STK10: variants seen among roughly 807,000 people sequenced by gnomAD.
STK10 encodes the protein serine/threonine-protein kinase 10.
In STK10, 78 loss-of-function variants were observed where a neutral mutation model predicts 113.8. The observed-to-expected ratio is 0.69, with a 90% CI of 0.57 to 0.83. STK10 has a LOEUF of 0.83. Ranked by LOEUF, STK10 falls within the 40% of genes least tolerant of loss-of-function variation. The pLI, the probability that STK10 is intolerant of heterozygous loss-of-function variation, is 0.00. For synonymous variants in STK10, 465 were observed against 494.7 expected (o/e 0.94, Z 0.80); for missense variants, 1,109 against 1,280.1 (o/e 0.87, Z 2.04).
intron 2 of STK10, among the ~76,000 whole-genome samples, chr5:172,152,900 AT>A (rs1770267504): frequency 6.6e-6 from 1 of 152,256 alleles, no homozygotes. Context: ...AAATGATCAT[AT>A]TTTTATACAC....
intron 12 of STK10, among the ~76,000 whole-genome samples, chr5:172,080,873 A>G (rs1443543739): frequency 6.6e-6 from 1 of 152,238 alleles, no homozygotes; most frequent in Non-Finnish European, 1.5e-5. Context: ...TGGATTTTCA[A>G]TGTAGATGAA....
chr5:172,069,366 A>G (rs1446686513), intron 12 of STK10, among the ~76,000 whole-genome samples: 1 of 152,192 alleles, frequency 6.6e-6, no homozygotes, highest in African/African-American at 2.4e-5. Context: ...GCAAACACTT[A>G]TCAAAAGAAA....
At position 172,120,903 on chromosome 5, in the gene STK10, C is replaced by G. The variant is rs1261772304; in HGVS notation, c.371-3273G>C. 2.0e-5 allele frequency among the ~76,000 whole-genome samples: 3 copies of G among 152,092 alleles called. No individual in the cohort carries two copies. Among genetic ancestry groups the G allele is most frequent in the Non-Finnish European group, 4.4e-5 (3 of 68,030 alleles). ...TCTAATCACCACCATTTTTGGAGCCCTTATAATGTGTCAGGCATGAGGATA... is the reference window on the plus strand; with the variant it reads ...TCTAATCACCACCATTTTTGGAGCCGTTATAATGTGTCAGGCATGAGGATA... On this transcript the variant is annotated intron_variant, in intron 3 of 18. Transcript: ENST00000176763. This position sits in a 1 kb window ranked among gnomAD's most constrained non-coding sequence, Gnocchi z 4.0.
At chr5:172,161,789 T>C (rs747811543) in intron 1 of STK10, among the ~76,000 whole-genome samples, 9 of 152,070 alleles carry the variant, frequency 5.9e-5, no homozygotes, top group Admixed American at 1.3e-4. Context: ...CAGAGTACCC[T>C]AGGAATGAGG....
At chr5:172,070,146 G>A (rs545013889) in intron 12 of STK10, among the ~76,000 whole-genome samples, 2 of 152,010 alleles carry the variant, frequency 1.3e-5, no homozygotes, top group Non-Finnish European at 2.9e-5. Flanking sequence ...TACTTGGGGG[G>A]CTGAGGCAGG....
rs370631867 is a variant in STK10 at position 172,152,817 on chromosome 5, T to C, written c.321+3807A>G. ...TTAGATGTGTTAAAAGTGTAAAATA[T>C]ACACTGGACTTGAAGACTTAGAATG... On this transcript the variant is annotated intron_variant, in intron 2 of 18. Coordinates refer to ENST00000176763, the MANE Select transcript of STK10 (RefSeq NM_005990.4). Among the ~76,000 whole-genome samples the C allele has an allele frequency of 9.2e-5, 14 of 152,330 alleles. No homozygotes were observed. In the South Asian group the frequency reaches 2.9e-3, roughly 32 times the overall value.
At chr5:172,138,287 A>G (rs1769908669) in intron 2 of STK10, among the ~76,000 whole-genome samples, 1 of 151,976 alleles carries the variant, frequency 6.6e-6, no homozygotes, top group African/African-American at 2.4e-5. Flanking sequence ...ACGCCTGGCT[A>G]ATTTTTTTGT....
chr5:172,082,540 A>G lies in STK10; in HGVS notation c.1810-35T>C. ...GCAGAAATTCTGAGAAACTTAGCGA[A>G]GTCACTTTATACCTGGGAGGGACAT... On this transcript the variant is annotated intron_variant, in intron 11 of 18. Coordinates refer to ENST00000176763, the MANE Select transcript of STK10 (RefSeq NM_005990.4). This position sits in a 1 kb window ranked among gnomAD's most constrained non-coding sequence, Gnocchi z 4.3. 6.5e-7 allele frequency: 1 copy of G among 1,547,054 alleles called. No individual in the cohort carries two copies. Among genetic ancestry groups the G allele is most frequent in the Non-Finnish European group, 8.7e-7 (1 of 1,148,372 alleles).
At position 172,093,156 on chromosome 5, in the gene STK10, A is replaced by G. The variant is rs556878588; in HGVS notation, c.1554+256T>C. ...GAACTTCATTTGTAGCTAAGGCCTA[A>G]GAGTTCTCTCTCCCAAATTTTACCA... On this transcript the variant is annotated intron_variant, in intron 9 of 18. Coordinates refer to ENST00000176763, the MANE Select transcript of STK10 (RefSeq NM_005990.4). The surrounding 1 kb of genome is among the most constrained non-coding windows in gnomAD (Gnocchi z 4.1). 3.9e-5 allele frequency among the ~76,000 whole-genome samples: 6 copies of G among 152,320 alleles called. No homozygotes were observed. The highest frequency in any genetic ancestry group is 7.3e-5 in the Non-Finnish European group (5 of 68,034).
chr5:172,108,613 CAAAAAAA>C (rs1184891478), intron 4 of STK10, among the ~76,000 whole-genome samples: 19 of 64,886 alleles, frequency 2.9e-4, no homozygotes, highest in Admixed American at 5.2e-4. Flanking sequence ...GAGACTGTCT[CAAAAAAA>C]AAAAAAAAAA....
chr5:172,106,319 T>C (rs1330175331), intron 6 of STK10, among the ~76,000 whole-genome samples: 1 of 147,632 alleles, frequency 6.8e-6, no homozygotes, highest in Non-Finnish European at 1.5e-5. Context: ...TGAGGATCTC[T>C]TGAGCCTAGG....
Position 172,060,516 on chromosome 5 carries a change from G to A in STK10, c.2212+623C>T, listed in dbSNP as rs73314298. Among the ~76,000 whole-genome samples the A allele has an allele frequency of 4.4e-3, 673 of 152,362 alleles. 5 individuals carry two copies. Among genetic ancestry groups the A allele is most frequent in the African/African-American group, 0.015 (635 of 41,584 alleles). On this transcript the variant is annotated intron_variant, in intron 14 of 18. Transcript: ENST00000176763. Reference sequence around the variant, plus strand: ...CTTCCACTATGTGAGGATACAGTGAGAAGGTGCCATCTATGAAGCAGAGAG... The same window carrying A: ...CTTCCACTATGTGAGGATACAGTGAAAAGGTGCCATCTATGAAGCAGAGAG...
chr5:172,052,011 CT>C (rs1767639795), intron 18 of STK10, among the ~76,000 whole-genome samples: 1 of 152,190 alleles, frequency 6.6e-6, no homozygotes. Context: ...AAAATGACCC[CT>C]GTGACTCTCT....
At chr5:172,145,101 G>A (rs1398778380) in intron 2 of STK10, among the ~76,000 whole-genome samples, 2 of 152,132 alleles carry the variant, frequency 1.3e-5, no homozygotes, top group Non-Finnish European at 2.9e-5. Context: ...ATGCTAACCG[G>A]ACTTCAGCCC....
At chr5:172,118,331 A>G (rs1769432844) in intron 3 of STK10, among the ~76,000 whole-genome samples, 2 of 152,122 alleles carry the variant, frequency 1.3e-5, no homozygotes, top group Admixed American at 6.6e-5. Flanking sequence ...GGCACTTACT[A>G]TGTGTCTGGC....
intron 13 of STK10, 61 bp downstream of exon 13, chr5:172,064,659 T>C: frequency 6.4e-7 from 1 of 1,566,668 alleles, no homozygotes; most frequent in Non-Finnish European, 8.8e-7. Flanking sequence ...AGAGGGGGCC[T>C]GGTCACCATT....
At chr5:172,061,527 C>A (rs1222122509) in intron 13 of STK10, 1 of 300,924 alleles carries the variant, frequency 3.3e-6, no homozygotes, top group African/African-American at 2.2e-5. Context: ...TCTCGGCTCA[C>A]TGCAACCTCT....
At chr5:172,112,587 ATT>A (rs34366400) in intron 4 of STK10, among the ~76,000 whole-genome samples, 3 of 136,976 alleles carry the variant, frequency 2.2e-5, no homozygotes, top group African/African-American at 2.7e-5. Flanking sequence ...TGCCCGGCTA[ATT>A]TTTTTTTTTT....
chr5:172,157,845 C>T (rs1480183522), intron 1 of STK10, among the ~76,000 whole-genome samples: 2 of 150,624 alleles, frequency 1.3e-5, no homozygotes, highest in African/African-American at 2.5e-5. Context: ...CCCATCTCGG[C>T]CTCCCAAAGT....
Sources: allele counts gnomAD v4.1 joint callset (sites outside exome capture counted in the v4.1 genomes callset), GRCh38; gene constraint gnomAD v4.1.1; non-coding constraint Gnocchi (gnomAD v3.1); transcripts MANE v1.5; gene names NCBI Gene and HGNC (gene_info 2026-07-23, HGNC 2026-07-21).